C12orf42: variants seen among roughly 807,000 people sequenced by gnomAD.
C12orf42 encodes the protein chromosome 12 open reading frame 42.
C12orf42 carries 25 observed loss-of-function variants against 21.6 expected under a neutral mutation model. The ratio of observed to expected loss-of-function variants is 1.16; its 90% confidence interval spans 0.84 to 1.62. The LOEUF (loss-of-function observed/expected upper bound fraction) is 1.62, where lower values mean the gene tolerates loss of function less well. Among genes scored for constraint, C12orf42 ranks in the 40% most tolerant of loss-of-function variants. The pLI is 0.00. For synonymous variants in C12orf42, 174 were observed against 175.0 expected (o/e 0.99, Z 0.05); for missense variants, 483 against 459.3 (o/e 1.05, Z -0.47).
chr12:103,290,051 T>G (rs552714099), intron 4 of C12orf42, among the ~76,000 whole-genome samples: 1 of 152,084 alleles, frequency 6.6e-6, no homozygotes, highest in Non-Finnish European at 1.5e-5. Context: ...GCAGAGGGTC[T>G]AAAGAGAGAA....
the C12orf42 span, among the ~76,000 whole-genome samples, chr12:103,189,047 A>G: frequency 6.6e-6 from 1 of 151,272 alleles, no homozygotes; most frequent in Non-Finnish European, 1.5e-5. Context: ...ATTGGTTAAG[A>G]TAGGTTTAGT....
Position 103,441,122 on chromosome 12 carries a change from C to T in C12orf42, c.78+37227G>A, listed in dbSNP as rs186563792. ...CTCTGTCAAAAAGCAAATATTGTTTCCTCCCTAGTTGGACTCCTAAGTATT... is the reference window on the plus strand; with the variant it reads ...CTCTGTCAAAAAGCAAATATTGTTTTCTCCCTAGTTGGACTCCTAAGTATT... On this transcript the variant is annotated intron_variant, in intron 2 of 5. Transcript: ENST00000548883. Among the ~76,000 whole-genome samples, 373 of 152,246 alleles carry T rather than the reference C, an allele frequency of 2.4e-3. 4 individuals are homozygous for T. Among genetic ancestry groups the T allele is most frequent in the Middle Eastern group, 6.8e-3 (2 of 294 alleles).
At chr12:103,154,025 CA>C in the C12orf42 span, among the ~76,000 whole-genome samples, 548 of 51,688 alleles carry the variant, frequency 0.011, 7 homozygotes, top group African/African-American at 0.033. Flanking sequence ...CAAATCTCAG[CA>C]AAAAAAAAAA....
At chr12:103,118,706 G>A in the C12orf42 span, among the ~76,000 whole-genome samples, 1 of 141,824 alleles carries the variant, frequency 7.1e-6, no homozygotes, top group African/African-American at 2.6e-5. Flanking sequence ...GCTGAGGCAG[G>A]AGAATGGTGT....
rs752851644 is a variant in C12orf42 at position 103,348,419 on chromosome 12, A to G, written c.259+20468T>C. On this transcript the variant is annotated intron_variant, in intron 4 of 5. Coordinates refer to ENST00000548883, the MANE Select transcript of C12orf42 (RefSeq NM_198521.5). ...CAGGCCTAGCCTATACTTACCAACT[A>G]AAGAAAGATTGAAATAACTTCCAAG... is the stretch of plus-strand genomic sequence containing the variant. 2.7e-4 allele frequency among the ~76,000 whole-genome samples: 41 copies of G among 152,208 alleles called. 1 individual carries two copies. Among genetic ancestry groups the G allele is most frequent in the Non-Finnish European group, 5.7e-4 (39 of 68,038 alleles).
chr12:103,557,021 T>C, the C12orf42 span, among the ~76,000 whole-genome samples: 11 of 152,096 alleles, frequency 7.2e-5, no homozygotes, highest in African/African-American at 2.4e-4. Context: ...ACACCTTGAC[T>C]TCTGAATAGC....
the C12orf42 span, chr12:103,550,796 A>C: frequency 6.6e-6 from 1 of 152,144 alleles, no homozygotes; most frequent in East Asian, 1.9e-4. Context: ...AATTATATGT[A>C]TCTTGCCTCA....
chr12:103,409,677 T>A (rs532349477), intron 2 of C12orf42, among the ~76,000 whole-genome samples: 126 of 152,300 alleles, frequency 8.3e-4, no homozygotes, highest in African/African-American at 3.0e-3. Context: ...ATCAACTTTT[T>A]AATAGATCTT....
chr12:103,501,695 A>C, the C12orf42 span, among the ~76,000 whole-genome samples: 2 of 152,168 alleles, frequency 1.3e-5, no homozygotes, highest in Non-Finnish European at 1.5e-5. Context: ...TATATAATTT[A>C]ATATGACAAT....
At chr12:103,200,103 G>GA in the C12orf42 span, among the ~76,000 whole-genome samples, 135 of 150,046 alleles carry the variant, frequency 9.0e-4, no homozygotes, top group Middle Eastern at 3.4e-3. Context: ...CAGATGAATG[G>GA]AAAAAAAAAT....
At chr12:103,244,504 G>A (rs1401925429) in intron 10 of C12orf42, among the ~76,000 whole-genome samples, 3 of 148,662 alleles carry the variant, frequency 2.0e-5, no homozygotes, top group African/African-American at 7.5e-5. Flanking sequence ...ACAGTTCTCT[G>A]TCAACTGTAA....
intron 2 of C12orf42, among the ~76,000 whole-genome samples, chr12:103,472,344 G>A (rs1055641856): frequency 1.3e-5 from 2 of 151,930 alleles, no homozygotes; most frequent in East Asian, 1.9e-4. Context: ...GTGAGCCACC[G>A]CACCCAGCCA....
chr12:103,113,010 T>C, the C12orf42 span, among the ~76,000 whole-genome samples: 1 of 152,132 alleles, frequency 6.6e-6, no homozygotes, highest in African/African-American at 2.4e-5. Context: ...TTTGAACTTG[T>C]AGAGTCCCAA....
chr12:103,453,638 G>A (rs932730156), intron 2 of C12orf42, among the ~76,000 whole-genome samples: 24 of 151,818 alleles, frequency 1.6e-4, no homozygotes, highest in East Asian at 1.4e-3. Flanking sequence ...AATTATATAC[G>A]TTGTAAAGCC....
intron 2 of C12orf42, among the ~76,000 whole-genome samples, chr12:103,440,717 G>A (rs1378810886): frequency 6.6e-6 from 1 of 152,106 alleles, no homozygotes; most frequent in Admixed American, 6.5e-5. Context: ...ACCCAGATTG[G>A]CCTAACTCCA....
the C12orf42 span, among the ~76,000 whole-genome samples, chr12:103,507,130 A>ATATATT: frequency 3.3e-3 from 59 of 17,756 alleles, 2 homozygotes; most frequent in East Asian, 0.022. Flanking sequence ...TATATATAAT[A>ATATATT]TATATTATAT....
intron 4 of C12orf42, among the ~76,000 whole-genome samples, chr12:103,318,717 T>C (rs1189046185): frequency 6.6e-6 from 1 of 152,180 alleles, no homozygotes; most frequent in African/African-American, 2.4e-5. Flanking sequence ...TCTAACCAGC[T>C]GGTGAATAGT....
chr12:103,315,921 T>C (rs1462158493), intron 4 of C12orf42, among the ~76,000 whole-genome samples: 5 of 151,924 alleles, frequency 3.3e-5, no homozygotes, highest in African/African-American at 1.2e-4. Context: ...ATTAACTTGA[T>C]GGGGCCATTC....
intron 2 of C12orf42, among the ~76,000 whole-genome samples, chr12:103,414,138 C>A (rs780233775): frequency 5.9e-5 from 9 of 152,128 alleles, no homozygotes; most frequent in African/African-American, 1.7e-4. Flanking sequence ...CACATCCATA[C>A]CAATATCTAT....
Sources: allele counts gnomAD v4.1 joint callset (sites outside exome capture counted in the v4.1 genomes callset), GRCh38; gene constraint gnomAD v4.1.1; transcripts MANE v1.5; gene names NCBI Gene and HGNC (gene_info 2026-07-23, HGNC 2026-07-21).